The following EDA variants were observed in gnomAD, a reference collection of about 807,000 sequenced individuals.
EDA encodes ectodysplasin-A.
EDA carries 2 observed loss-of-function variants against 23.6 expected under a neutral mutation model. That is an observed-to-expected ratio of 0.08 (90% CI 0.03 to 0.27). EDA has a LOEUF of 0.27. Ranked by LOEUF, EDA falls within the 10% of genes least tolerant of loss-of-function variation. The pLI is 1.00. For synonymous variants in EDA, 131 were observed against 132.0 expected (o/e 0.99, Z 0.05); for missense variants, 229 against 324.2 (o/e 0.71, Z 2.26).
chrX:69,961,023 AAGAAAAAAAAAG>A (rs1470155357), intron 2 of EDA, among the ~76,000 whole-genome samples: 3 of 87,092 alleles, frequency 3.4e-5, no homozygotes, highest in East Asian at 1.3e-3. Flanking sequence ...CATCCAAAAA[AAGAAAAAAAAAG>A]AAAGAAAGAA....
At chrX:69,762,877 A>G (rs972615462) in intron 1 of EDA, among the ~76,000 whole-genome samples, 4 of 112,159 alleles carry the variant, frequency 3.6e-5, no homozygotes, top group Admixed American at 1.9e-4. Flanking sequence ...ATGGAAATGG[A>G]AAATGCTTAT....
intron 1 of EDA, among the ~76,000 whole-genome samples, chrX:69,865,380 C>A (rs1426492115): frequency 1.8e-5 from 2 of 110,205 alleles, no homozygotes; most frequent in Non-Finnish European, 3.8e-5. Context: ...AGCTGAGGAG[C>A]AAGAAGAGCC....
At chrX:69,934,836 A>T (rs2018648937) in intron 1 of EDA, among the ~76,000 whole-genome samples, 1 of 111,575 alleles carries the variant, frequency 9.0e-6, no homozygotes, top group African/African-American at 3.3e-5. Context: ...CAATAATAAA[A>T]TGTACAATGA....
chrX:69,987,642 A>G (rs1489442150), intron 2 of EDA, among the ~76,000 whole-genome samples: 1 of 110,897 alleles, frequency 9.0e-6, no homozygotes, highest in Non-Finnish European at 1.9e-5. Flanking sequence ...GTAAAGGGTC[A>G]CTTTACAGCA....
chrX:69,769,174 T>C (rs2014556111), intron 1 of EDA, among the ~76,000 whole-genome samples: 2 of 111,827 alleles, frequency 1.8e-5, no homozygotes, highest in African/African-American at 6.5e-5. Context: ...GTTTTATAAA[T>C]ATCAAGTAGT....
intron 2 of EDA, among the ~76,000 whole-genome samples, chrX:69,996,115 C>T (rs1046108499): frequency 4.5e-5 from 5 of 112,160 alleles, no homozygotes; most frequent in African/African-American, 1.6e-4. Flanking sequence ...AAAGGGTGGA[C>T]CAATTAGAAG....
intron 2 of EDA, among the ~76,000 whole-genome samples, chrX:69,957,909 T>G (rs905149260): frequency 1.8e-5 from 2 of 111,846 alleles, no homozygotes; most frequent in African/African-American, 6.5e-5. Context: ...TAGAACTAGT[T>G]TATAAGTTTC....
At chrX:69,832,695 T>C (rs1296401339) in intron 1 of EDA, among the ~76,000 whole-genome samples, 1 of 111,844 alleles carries the variant, frequency 8.9e-6, no homozygotes, top group Admixed American at 9.5e-5. Flanking sequence ...TCCATTTGTC[T>C]GTGTCCTCTT....
chrX:70,005,561 A>G (rs1481622736), intron 2 of EDA, among the ~76,000 whole-genome samples: 1 of 110,283 alleles, frequency 9.1e-6, no homozygotes, highest in African/African-American at 3.3e-5. Context: ...ACAGTGTGTT[A>G]ATGGAACACA....
chrX:69,627,123 T>A (rs1054408706), intron 1 of EDA, among the ~76,000 whole-genome samples: 4 of 111,292 alleles, frequency 3.6e-5, no homozygotes, highest in African/African-American at 1.3e-4. Context: ...CACTGCAAAT[T>A]GAGACTCTGT....
chrX:69,904,305 C>G lies in EDA; in HGVS notation c.397-52722C>G, dbSNP rs1034889359. On this transcript the variant is annotated intron_variant, in intron 1 of 7. Coordinates refer to ENST00000374552, the MANE Select transcript of EDA (RefSeq NM_001399.5). ...TACTACCAAACACTAGATATTATTCCTTTTATTCAACTGTATTTTTGTACC... is the reference window on the plus strand; with the variant it reads ...TACTACCAAACACTAGATATTATTCGTTTTATTCAACTGTATTTTTGTACC... Among the ~76,000 whole-genome samples, 5 of 111,381 alleles carry G rather than the reference C, an allele frequency of 4.5e-5. No homozygotes were observed. In the East Asian group the frequency reaches 1.4e-3, roughly 31 times the overall value.
chrX:69,636,301 C>T (rs1341411706), intron 1 of EDA, among the ~76,000 whole-genome samples: 1 of 110,235 alleles, frequency 9.1e-6, no homozygotes, highest in Non-Finnish European at 1.9e-5. Context: ...TCCCACTCCA[C>T]CTTCCAGCAT....
At chrX:69,893,606 G>A (rs2017965823) in intron 1 of EDA, among the ~76,000 whole-genome samples, 2 of 112,221 alleles carry the variant, frequency 1.8e-5, no homozygotes, top group African/African-American at 3.2e-5. Flanking sequence ...ATAAAATATG[G>A]AATAAACATA....
intron 1 of EDA, among the ~76,000 whole-genome samples, chrX:69,714,342 T>A (rs1382087656): frequency 5.4e-5 from 6 of 111,220 alleles, no homozygotes; most frequent in African/African-American, 2.0e-4. Context: ...TTTCTCGTAG[T>A]CTATAAGCTT....
At chrX:69,915,941 C>A (rs894526569) in intron 1 of EDA, among the ~76,000 whole-genome samples, 2 of 111,726 alleles carry the variant, frequency 1.8e-5, no homozygotes, top group Non-Finnish European at 3.8e-5. Flanking sequence ...CTTGTCGGTG[C>A]TCCTCTCTTG....
chrX:69,942,726 T>C, intron 1 of EDA, among the ~76,000 whole-genome samples: 1 of 111,599 alleles, frequency 9.0e-6, no homozygotes, highest in East Asian at 2.8e-4. Context: ...TACTTGAATA[T>C]GGATACCTTT....
At chrX:69,881,704 A>G (rs1033597732) in intron 1 of EDA, among the ~76,000 whole-genome samples, 2 of 111,859 alleles carry the variant, frequency 1.8e-5, no homozygotes, top group Non-Finnish European at 3.8e-5. Context: ...TAATTTGTAA[A>G]GAAAAGAAGT....
chrX:69,799,614 T>C (rs1411832094), intron 1 of EDA, among the ~76,000 whole-genome samples: 1 of 109,081 alleles, frequency 9.2e-6, no homozygotes, highest in Non-Finnish European at 1.9e-5. Flanking sequence ...AATGCTCAAC[T>C]TCTAATCACT....
intron 2 of EDA, among the ~76,000 whole-genome samples, chrX:69,960,108 C>G (rs1478580990): frequency 9.0e-6 from 1 of 111,574 alleles, no homozygotes; most frequent in Non-Finnish European, 1.9e-5. Flanking sequence ...TATGTTTTAA[C>G]AGCATTCCTC....
Sources: allele counts gnomAD v4.1 joint callset (sites outside exome capture counted in the v4.1 genomes callset), GRCh38; gene constraint gnomAD v4.1.1; transcripts MANE v1.5; gene names NCBI Gene and HGNC (gene_info 2026-07-23, HGNC 2026-07-21).